Variants in MICAL2 observed in about 807,000 individuals in gnomAD.
The protein encoded by MICAL2 is microtubule associated monooxygenase, calponin and LIM domain containing 2, also known as [F-actin]-monooxygenase MICAL2.
Under a neutral mutation model 127.3 loss-of-function variants are expected in MICAL2, and 77 were observed. That is an observed-to-expected ratio of 0.60 (90% CI 0.50 to 0.73). The LOEUF (loss-of-function observed/expected upper bound fraction) is 0.73. Ranked by LOEUF, MICAL2 falls within the 30% of genes least tolerant of loss-of-function variation. MICAL2 has a pLI of 0.00. For missense variants in MICAL2, 1,351 were observed against 1,434.4 expected (o/e 0.94, Z 0.94); for synonymous variants, 570 against 551.1 (o/e 1.03, Z -0.48).
At position 12,256,781 on chromosome 11, in the gene MICAL2, C is replaced by G; in HGVS notation, c.2956-4C>G. On this transcript the variant is annotated splice_polypyrimidine_tract_variant and splice_region_variant and intron_variant, in intron 23 of 27. Transcript: ENST00000683283. Reference sequence around the variant, plus strand: ...TACACCCACTCTTCTCTCCCGATCCCCAGGAATCTATGCGAAAGTCATTTC... The same window carrying G: ...TACACCCACTCTTCTCTCCCGATCCGCAGGAATCTATGCGAAAGTCATTTC... 1 of 1,607,430 alleles carries G rather than the reference C, an allele frequency of 6.2e-7. No individual in the cohort carries two copies. Among genetic ancestry groups the G allele is most frequent in the Non-Finnish European group, 8.5e-7 (1 of 1,176,072 alleles).
intron 2 of MICAL2, among the ~76,000 whole-genome samples, chr11:12,160,872 G>A (rs1854704808): frequency 6.6e-6 from 1 of 152,236 alleles, no homozygotes; most frequent in Non-Finnish European, 1.5e-5. Context: ...GAGTGAATAA[G>A]TAAGAGATTA....
chr11:12,158,550 T>A (rs967613942), intron 2 of MICAL2, among the ~76,000 whole-genome samples: 5 of 152,204 alleles, frequency 3.3e-5, no homozygotes, highest in Admixed American at 6.5e-5. Context: ...TGTACAGGCT[T>A]TTTTACTGTC....
chr11:12,198,745 G>T (rs1334861414), intron 3 of MICAL2, among the ~76,000 whole-genome samples: 1 of 152,214 alleles, frequency 6.6e-6, no homozygotes, highest in Non-Finnish European at 1.5e-5. Context: ...TGCTGCCAGG[G>T]CCACCCTCAC....
chr11:12,286,765 C>T (rs1863831767), intron 2 of MICAL2: 1 of 190,958 alleles, frequency 5.2e-6, no homozygotes, highest in Admixed American at 6.1e-5. Flanking sequence ...GTCCCAGCTA[C>T]TCGGGAGCCT....
At chr11:12,144,366 C>T (rs774755109) in intron 2 of MICAL2, among the ~76,000 whole-genome samples, 5 of 152,286 alleles carry the variant, frequency 3.3e-5, no homozygotes, top group East Asian at 1.9e-4. Context: ...AAGTCACTAG[C>T]GGGGCCATAC....
chr11:12,115,930 C>A (rs1849978280), intron 1 of MICAL2, among the ~76,000 whole-genome samples: 1 of 151,110 alleles, frequency 6.6e-6, no homozygotes, highest in South Asian at 2.1e-4. Flanking sequence ...CCACGATGAA[C>A]ATATCCCGAC....
rs1266470287 is a variant in MICAL2 at position 12,242,397 on chromosome 11, T to C, written c.2521T>C (p.Trp841Arg). 3.1e-6 allele frequency: 5 copies of C among 1,610,530 alleles called. No individual in the cohort carries two copies. The Admixed American group carries it at 6.7e-5, about 22-fold the overall frequency. Residue 841 changes from tryptophan (W) to arginine (R), a missense_variant, in exon 19 of 28, where the codon TGG becomes CGG. This residue lies in a region of MICAL2 where 752 missense variants were observed against 719.4 expected (regional missense o/e 1.05). Coordinates refer to ENST00000683283, the MANE Select transcript of MICAL2 (RefSeq NM_001282663.2). ...GGCGCAGGCTCTTTCCGGGGTGCTG[T>C]GGCGGCTGCAGCAAGTGGAGGAAAA... ...PRAQALSGVLWRLQQVEEKIL... is the reference protein window; with the variant it reads ...PRAQALSGVLRRLQQVEEKIL...
chr11:12,330,864 A>C (rs1450501485), intron 32 of MICAL2, among the ~76,000 whole-genome samples: 1 of 95,660 alleles, frequency 1.0e-5, no homozygotes, highest in Non-Finnish European at 2.6e-5. Flanking sequence ...AGAGGGGTAG[A>C]GAGAGAGAGA....
chr11:12,355,844 A>G (rs544130182), intron 34 of MICAL2, among the ~76,000 whole-genome samples: 3 of 152,228 alleles, frequency 2.0e-5, no homozygotes, highest in Non-Finnish European at 4.4e-5. Context: ...ACAGAATTCT[A>G]ACAAAATCCT....
At position 12,170,988 on chromosome 11, in the gene MICAL2, C is replaced by T. The variant is rs117153138; in HGVS notation, c.264+8569C>T. Reference sequence around the variant, plus strand: ...TTCTGGAGCTTTACTATGTGAGCCCCGGTGTTTCCAAGCTTTGATGGTGGG... The same window carrying T: ...TTCTGGAGCTTTACTATGTGAGCCCTGGTGTTTCCAAGCTTTGATGGTGGG... On this transcript the variant is annotated intron_variant, in intron 3 of 27. Transcript: ENST00000683283. Among the ~76,000 whole-genome samples, 81 of 152,262 alleles carry T rather than the reference C, an allele frequency of 5.3e-4. No individual in the cohort carries two copies. The East Asian group carries it at 0.011, about 21-fold the overall frequency.
intron 2 of MICAL2, among the ~76,000 whole-genome samples, chr11:12,156,852 C>T (rs1349695729): frequency 1.3e-5 from 2 of 152,242 alleles, no homozygotes; most frequent in East Asian, 3.9e-4. Flanking sequence ...AGAGTTAGAG[C>T]TGGAGCTTTT....
rs1862245429 is a variant in MICAL2, at chr11:12,255,751, G to A, written c.2955+1G>A. On this transcript the variant is annotated splice_donor_variant, in intron 23 of 27. Coordinates refer to ENST00000683283, the MANE Select transcript of MICAL2 (RefSeq NM_001282663.2). LOFTEE classifies it high-confidence loss of function. ...GGCCCAGGCCACCTCTCCAGACCTGGTAAGGACATGCACCCCCAGCCTTCA... is the reference window on the plus strand; with the variant it reads ...GGCCCAGGCCACCTCTCCAGACCTGATAAGGACATGCACCCCCAGCCTTCA... 2 of 1,610,520 alleles carry A rather than the reference G, an allele frequency of 1.2e-6. No homozygotes were observed. Among genetic ancestry groups the A allele is most frequent in the South Asian group, 1.1e-5 (1 of 90,526 alleles).
chr11:12,220,558 A>G (rs1856700403), intron 9 of MICAL2, 100 bp downstream of exon 9: 1 of 1,472,588 alleles, frequency 6.8e-7, no homozygotes, highest in Non-Finnish European at 9.0e-7. Context: ...GGGAGAGGAC[A>G]GGCTCTCAGC....
At chr11:12,127,550 G>A (rs1851045711) in intron 1 of MICAL2, among the ~76,000 whole-genome samples, 2 of 152,142 alleles carry the variant, frequency 1.3e-5, no homozygotes, top group Non-Finnish European at 2.9e-5. Context: ...GAGCAGCTCG[G>A]GGAGGGCTGT....
At chr11:12,192,139 A>C (rs1859255891) in intron 3 of MICAL2, among the ~76,000 whole-genome samples, 1 of 148,698 alleles carries the variant, frequency 6.7e-6, no homozygotes, top group Non-Finnish European at 1.5e-5. Context: ...ATTTGGTGAA[A>C]AGACTGAAAT....
intron 31 of MICAL2, among the ~76,000 whole-genome samples, chr11:12,324,276 C>T (rs1245716677): frequency 1.3e-5 from 2 of 152,108 alleles, no homozygotes; most frequent in South Asian, 2.1e-4. Flanking sequence ...GGAGAGCCCC[C>T]GTGTTAATCT....
intron 1 of MICAL2, among the ~76,000 whole-genome samples, chr11:12,131,949 T>C (rs1851452769): frequency 6.6e-6 from 1 of 152,226 alleles, no homozygotes; most frequent in Admixed American, 6.5e-5. Flanking sequence ...TTGTTATTCT[T>C]TGATAGGTAT....
intron 29 of MICAL2, among the ~76,000 whole-genome samples, chr11:12,300,957 G>C (rs1864039607): frequency 1.3e-5 from 2 of 152,178 alleles, no homozygotes; most frequent in Non-Finnish European, 2.9e-5. Flanking sequence ...TTTTCACACT[G>C]CTGATAAAGA....
At chr11:12,214,386 C>T (rs551755241) in intron 7 of MICAL2, among the ~76,000 whole-genome samples, 3 of 152,310 alleles carry the variant, frequency 2.0e-5, no homozygotes, top group Admixed American at 6.5e-5. Flanking sequence ...TTTCCACCAG[C>T]GTTCTTGCTT....
Sources: gnomAD v4.1 joint callset for allele counts (sites outside exome capture counted in the v4.1 genomes callset) on GRCh38, gnomAD v4.1.1 for gene constraint, gnomAD v4.1.1 regional missense constraint, MANE v1.5 for transcripts, NCBI Gene and HGNC (gene_info 2026-07-23, HGNC 2026-07-21) for gene names.